The following MIA2 variants were observed in gnomAD, a reference collection of about 807,000 sequenced individuals.
The protein encoded by MIA2 is melanoma inhibitory activity protein 2.
A neutral mutation model predicts 167.8 loss-of-function variants in MIA2; 127 were observed. The observed-to-expected ratio is 0.76, with a 90% CI of 0.66 to 0.88. The LOEUF is 0.88. MIA2 is among the 40% of genes least tolerant of loss of function. MIA2 has a pLI of 0.00. For synonymous variants in MIA2, 552 were observed against 541.9 expected, an observed-to-expected ratio of 1.02 and a Z score of -0.26; for missense variants, 1,690 against 1,624.7, an observed-to-expected ratio of 1.04 and a Z score of -0.69.
Position 39,280,803 on chromosome 14 carries a change from T to G in MIA2, c.2130+1266T>G, listed in dbSNP as rs1016336748. 2.0e-5 allele frequency among the ~76,000 whole-genome samples: 3 copies of G among 152,114 alleles called. No individual in the cohort carries two copies. The South Asian group carries it at 6.2e-4, about 31-fold the overall frequency. ...TTTATCATTTTTTCTTGGTTTTGGC[T>G]CTCAGCAGTGTTACTATGATTTGTC... On this transcript the variant is annotated intron_variant, in intron 9 of 28. Transcript: ENST00000640607.
At chr14:39,296,459 A>G (rs572488566) in intron 13 of MIA2, among the ~76,000 whole-genome samples, 3 of 151,706 alleles carry the variant, frequency 2.0e-5, no homozygotes, top group South Asian at 2.1e-4. Context: ...AGCTTTTAAT[A>G]TCTTTTTATT....
At chr14:39,254,720 A>C (rs2054737398) in intron 6 of MIA2, among the ~76,000 whole-genome samples, 1 of 151,818 alleles carries the variant, frequency 6.6e-6, no homozygotes, top group South Asian at 2.1e-4. Flanking sequence ...GAAATCTCAC[A>C]ATTTTTAATA....
intron 23 of MIA2, among the ~76,000 whole-genome samples, chr14:39,361,500 A>G (rs1021253028): frequency 2.7e-5 from 4 of 148,526 alleles, no homozygotes; most frequent in Non-Finnish European, 4.4e-5. Flanking sequence ...GTGCAATGAC[A>G]CCATCTCGGC....
At chr14:39,303,602 A>T (rs2062857103) in intron 16 of MIA2, 78 bp downstream of exon 16, 3 of 992,754 alleles carry the variant, frequency 3.0e-6, no homozygotes, top group East Asian at 2.6e-5. Context: ...GTAAATGTTT[A>T]AAAAGTCCAT....
rs185260734 is a variant in MIA2 at position 39,340,407 on chromosome 14, A to T, written c.3656-5497A>T. Among the ~76,000 whole-genome samples, 3 of 152,352 alleles carry T rather than the reference A, an allele frequency of 2.0e-5. No homozygotes were observed. The East Asian group carries it at 5.8e-4, about 29-fold the overall frequency. ...AGACATATAGTGTACAGCTAAATTG[A>T]TGAGAACAGTTTTGACTCTTTCCTT... On this transcript the variant is annotated intron_variant, in intron 25 of 28. Transcript: ENST00000640607.
chr14:39,253,299 T>A, intron 6 of MIA2, 128 bp downstream of exon 6: 1 of 1,204,400 alleles, frequency 8.3e-7, no homozygotes, highest in South Asian at 1.4e-5. Flanking sequence ...TTCCATGACA[T>A]CTTACCTGTA....
At chr14:39,304,646 TAC>T (rs1162239001) in intron 17 of MIA2, among the ~76,000 whole-genome samples, 1 of 151,926 alleles carries the variant, frequency 6.6e-6, no homozygotes, top group Non-Finnish European at 1.5e-5. Flanking sequence ...ATCTTCGAAT[TAC>T]AGTGTTATGT....
chr14:39,385,936 A>G, intron 23 of MIA2: 1 of 835,668 alleles, frequency 1.2e-6, no homozygotes, highest in East Asian at 2.4e-5. Context: ...ACTGGTGGGG[A>G]GAGACACACT....
In MIA2 at chr14:39,288,452, TATATA is replaced by T. The variant is rs1566747018; in HGVS notation, c.2131-2566_2131-2562del. On this transcript the variant is annotated intron_variant, in intron 9 of 28. Transcript: ENST00000640607. Reference sequence around the variant, plus strand: ...TTATACATATATATATATATATATATATATATATATATATATATATATATTTTTTT... The same window carrying T: ...TTATACATATATATATATATATATATTATATATATATATATATATTTTTTT... 7.3e-3 allele frequency among the ~76,000 whole-genome samples: 110 copies of T among 15,130 alleles called. 4 individuals are homozygous for T. Among genetic ancestry groups the T allele is most frequent in the Non-Finnish European group, 9.4e-3 (61 of 6,498 alleles). The allele number at this position is 15,130 out of a possible 152,430, so 9.9% of individuals were successfully genotyped here. A position where few individuals can be genotyped will look rare whatever the true frequency, so the allele number is the denominator to read the frequency against.
chr14:39,299,301 A>ATTTTTT (rs1555376456), intron 13 of MIA2, among the ~76,000 whole-genome samples: 18 of 58,504 alleles, frequency 3.1e-4, no homozygotes, highest in Admixed American at 5.8e-4. Context: ...GATTAATGGT[A>ATTTTTT]TTTCTTTTTT....
At chr14:39,282,287 T>C (rs1047290817) in intron 9 of MIA2, among the ~76,000 whole-genome samples, 1 of 152,242 alleles carries the variant, frequency 6.6e-6, no homozygotes, top group African/African-American at 2.4e-5. Context: ...TTTTATTGTG[T>C]ATATTTAAGG....
chr14:39,349,827 A>G (rs1314728019), intron 28 of MIA2, among the ~76,000 whole-genome samples: 1 of 152,176 alleles, frequency 6.6e-6, no homozygotes, highest in Non-Finnish European at 1.5e-5. Context: ...AGTAAGTTTT[A>G]TATATTTTGA....
chr14:39,372,242 GTGTGT>G lies in MIA2; in HGVS notation c.2249-14642_2249-14638del, dbSNP rs1178349689. Among the ~76,000 whole-genome samples, 13 of 152,192 alleles carry G rather than the reference GTGTGT, an allele frequency of 8.5e-5. 1 individual carries two copies. The highest frequency in any genetic ancestry group is 2.6e-4 in the African/African-American group (11 of 41,520). On this transcript the variant is annotated intron_variant, in intron 23 of 23. Coordinates refer to the MIA2 transcript ENST00000341502. ...TATTCCTCTTTTCCTAGAAAGCCAA[GTGTGT>G]GTTTTAAAGGTTCCCACTTGCTGAG...
Position 39,247,605 on chromosome 14 carries a change from C to T in MIA2, c.1031C>T (p.Ser344Phe). The change falls in exon 4 of 29, where the codon TCC becomes TTC. Residue 344 changes from serine (S) to phenylalanine (F), a missense_variant. Ser to Phe is a radical substitution (Grantham distance 155). Coordinates refer to ENST00000640607, the MANE Select transcript of MIA2 (RefSeq NM_001329214.4). The stretch of plus-strand genomic sequence containing the variant: ...CCACCACTACAAGATTTTCCCAATT[C>T]CATATCATCTGATAAAGAAGCCACA... The part of the protein sequence containing the change: ...SNPPLQDFPN[S>F]ISSDKEATVP... 1 of 1,613,930 alleles carries T rather than the reference C, an allele frequency of 6.2e-7. No individual in the cohort carries two copies. Among genetic ancestry groups the T allele is most frequent in the East Asian group, 2.2e-5 (1 of 44,866 alleles).
intron 1 of MIA2, 47 bp downstream of exon 1, chr14:39,234,276 C>A: frequency 2.5e-6 from 3 of 1,218,474 alleles, no homozygotes; most frequent in Non-Finnish European, 3.6e-6. Flanking sequence ...TGAGGCTCTG[C>A]AATGACATAA....
chr14:39,363,249 G>A (rs1212974984), intron 23 of MIA2, among the ~76,000 whole-genome samples: 1 of 152,168 alleles, frequency 6.6e-6, no homozygotes, highest in African/African-American at 2.4e-5. Context: ...AATGTTTCTG[G>A]CCAGGTGCTG....
intron 13 of MIA2, among the ~76,000 whole-genome samples, chr14:39,298,524 A>C (rs1408169163): frequency 1.8e-4 from 2 of 11,208 alleles, no homozygotes; most frequent in African/African-American, 3.3e-4. Flanking sequence ...TGTTTGGTAG[A>C]ACAGAGTTTT....
intron 9 of MIA2, among the ~76,000 whole-genome samples, chr14:39,289,728 C>G (rs1432552912): frequency 6.6e-6 from 1 of 152,126 alleles, no homozygotes; most frequent in Non-Finnish European, 1.5e-5. Flanking sequence ...AGTGATCCTC[C>G]CACGTTGGCC....
chr14:39,238,650 C>T (rs930715976), intron 2 of MIA2, among the ~76,000 whole-genome samples: 4 of 151,386 alleles, frequency 2.6e-5, no homozygotes, highest in Non-Finnish European at 5.9e-5. Context: ...TAAAAATTAG[C>T]CGGGTGTAGT....
Sources: gnomAD v4.1 joint callset for allele counts (sites outside exome capture counted in the v4.1 genomes callset) on GRCh38, gnomAD v4.1.1 for gene constraint, MANE v1.5 for transcripts, NCBI Gene and HGNC (gene_info 2026-07-23, HGNC 2026-07-21) for gene names.